Variants in CPAMD8 observed in about 807,000 individuals in gnomAD.
The protein encoded by CPAMD8 is C3 and PZP like alpha-2-macroglobulin domain containing 8.
CPAMD8 carries 146 observed loss-of-function variants against 224.7 expected under a neutral mutation model. That is an observed-to-expected ratio of 0.65 (90% CI 0.57 to 0.75). The LOEUF (loss-of-function observed/expected upper bound fraction) is 0.75, where lower values mean the gene tolerates loss of function less well. CPAMD8 is among the 30% of genes least tolerant of loss of function. The probability of loss-of-function intolerance (pLI) is 0.00; values close to 1 mark genes in which losing one functional copy is unlikely to be tolerated. For synonymous variants in CPAMD8, 966 were observed against 1,044.6 expected (o/e 0.92, Z 1.45); for missense variants, 2,301 against 2,537.5 (o/e 0.91, Z 2.00).
chr19:16,931,718 T>C (rs2144983570), intron 23 of CPAMD8, among the ~76,000 whole-genome samples: 1 of 152,268 alleles, frequency 6.6e-6, no homozygotes, highest in East Asian at 1.9e-4. Flanking sequence ...CTGCCAACAC[T>C]GGGACCTGAG....
chr19:16,937,137 C>T (rs965266951), intron 23 of CPAMD8, among the ~76,000 whole-genome samples: 2 of 149,892 alleles, frequency 1.3e-5, no homozygotes, highest in Non-Finnish European at 3.0e-5. Flanking sequence ...CCCTCCCTTC[C>T]TTACTTCATT....
intron 41 of CPAMD8, chr19:16,894,073 A>C (rs2051862990): frequency 5.5e-6 from 1 of 180,928 alleles, no homozygotes; most frequent in African/African-American, 2.3e-5. Context: ...CGGGAACAGA[A>C]TGTCAGGCTG....
intron 7 of CPAMD8, among the ~76,000 whole-genome samples, chr19:17,004,613 C>A (rs2056433080): frequency 6.6e-6 from 1 of 152,098 alleles, no homozygotes; most frequent in Non-Finnish European, 1.5e-5. Flanking sequence ...CAGGAAGGGA[C>A]TGGACCCGCG....
intron 8 of CPAMD8, 153 bp from the exon 9 acceptor site, chr19:17,002,503 TG>T (rs1402387646): frequency 5.6e-6 from 3 of 534,246 alleles, no homozygotes; most frequent in Non-Finnish European, 1.0e-5. Context: ...TGAGCAGCCC[TG>T]GGGATTTTGT....
intron 19 of CPAMD8, among the ~76,000 whole-genome samples, chr19:16,956,517 A>G (rs2054477003): frequency 1.3e-5 from 2 of 152,026 alleles, no homozygotes; most frequent in Non-Finnish European, 2.9e-5. Flanking sequence ...TACCTTATTC[A>G]AGGGACCATC....
At chr19:16,990,262 A>AG (rs577940663) in intron 12 of CPAMD8, among the ~76,000 whole-genome samples, 75 of 151,996 alleles carry the variant, frequency 4.9e-4, no homozygotes, top group Non-Finnish European at 7.8e-4. Flanking sequence ...CAAAAAAAAA[A>AG]GAAGCAAGCA....
At position 16,975,250 on chromosome 19, in the gene CPAMD8, C is replaced by T. The variant is rs751077667; in HGVS notation, c.1917G>A (p.Gln639=). The T allele has an allele frequency of 4.7e-5, 75 of 1,602,330 alleles. No individual in the cohort carries two copies. The highest frequency in any genetic ancestry group is 6.2e-5 in the Non-Finnish European group (73 of 1,173,958). ...GFRLTPAQVF[Q]ELEDYDVSDS... is the part of the protein sequence containing the mutation. ...CAGAAACATCATAATCTTCCAGTTC[C>T]TGGAAAACCTGCAGGCAAAGGGGGA... is the stretch of plus-strand genomic sequence containing the variant. The change falls in exon 17 of 42, where the codon CAG becomes CAA. Residue 639 remains glutamine (Q), a synonymous_variant. Transcript: ENST00000443236.
intron 17 of CPAMD8, among the ~76,000 whole-genome samples, chr19:16,974,321 A>G (rs538033355): frequency 8.8e-4 from 134 of 151,826 alleles, no homozygotes; most frequent in Non-Finnish European, 1.5e-3. Context: ...AGCTGGGCAC[A>G]GTGGCTCATG....
chr19:16,906,352 TTC>T (rs1371313648), intron 30 of CPAMD8, among the ~76,000 whole-genome samples: 3 of 36,236 alleles, frequency 8.3e-5, no homozygotes, highest in African/African-American at 3.1e-4. Flanking sequence ...CTTTCTTTCT[TTC>T]TTTCTTTCTT....
chr19:16,912,108 T>C (rs1283940991), intron 29 of CPAMD8, among the ~76,000 whole-genome samples: 1 of 152,188 alleles, frequency 6.6e-6, no homozygotes, highest in Non-Finnish European at 1.5e-5. Context: ...TGGTGAGTTG[T>C]ATAATTATTT....
intron 14 of CPAMD8, among the ~76,000 whole-genome samples, chr19:16,979,628 A>T (rs1025474199): frequency 2.0e-5 from 3 of 152,066 alleles, no homozygotes; most frequent in African/African-American, 7.2e-5. Flanking sequence ...CCATCCATTC[A>T]TCCATCTTTC....
chr19:16,972,972 T>C (rs906972908), intron 17 of CPAMD8, among the ~76,000 whole-genome samples: 1 of 152,144 alleles, frequency 6.6e-6, no homozygotes, highest in Admixed American at 6.6e-5. Context: ...AGTTCAAGAC[T>C]AGCCTGGGTG....
At chr19:16,991,015 G>A (rs2055930214) in intron 12 of CPAMD8, among the ~76,000 whole-genome samples, 1 of 152,032 alleles carries the variant, frequency 6.6e-6, no homozygotes, top group Non-Finnish European at 1.5e-5. Flanking sequence ...CAGGTTATCA[G>A]CCCATCTCCA....
chr19:16,895,382 C>T (rs2051921711), intron 41 of CPAMD8: 1 of 156,822 alleles, frequency 6.4e-6, no homozygotes. Flanking sequence ...AAAGAATAAA[C>T]TATGGATACA....
chr19:16,910,148 G>C (rs565078086), intron 29 of CPAMD8, among the ~76,000 whole-genome samples: 1 of 151,878 alleles, frequency 6.6e-6, no homozygotes, highest in Admixed American at 6.6e-5. Context: ...CACTGTGCTT[G>C]GCGTCCAATG....
Position 17,026,572 on chromosome 19 carries a change from C to T in CPAMD8, c.71G>A (p.Arg24His). ...TCACGGGGCCTGAGGCTGCGCGGCG[C>T]GCACGCCGTCCCGCGCCGACAGCAG... is the stretch of plus-strand genomic sequence containing the variant. ...LLLLSARDGV[R>H]AAQPQAPGYL... Residue 24 changes from arginine (R) to histidine (H), a missense_variant, in exon 1 of 42, where the codon CGC becomes CAC. Arg to His is a conservative substitution (Grantham distance 29). Around this residue, in one of 4 missense-constraint regions of CPAMD8, gnomAD observed 283 missense variants for 340.6 expected, o/e 0.83. Coordinates refer to ENST00000443236, the MANE Select transcript of CPAMD8 (RefSeq NM_015692.5). 1 of 1,527,374 alleles carries T rather than the reference C, an allele frequency of 6.5e-7. No homozygotes were observed. Among genetic ancestry groups the T allele is most frequent in the Middle Eastern group, 1.7e-4 (1 of 5,890 alleles). 94.6% of individuals were successfully genotyped at this position (1,527,374 alleles called of 1,614,324 possible).
At chr19:16,990,552 G>A (rs375875512) in intron 12 of CPAMD8, among the ~76,000 whole-genome samples, 17 of 152,064 alleles carry the variant, frequency 1.1e-4, no homozygotes, top group African/African-American at 1.9e-4. Flanking sequence ...GAGCTAGACC[G>A]TATCTCTGAA....
chr19:17,020,813 C>T (rs2056933995), intron 2 of CPAMD8, among the ~76,000 whole-genome samples: 1 of 152,194 alleles, frequency 6.6e-6, no homozygotes, highest in African/African-American at 2.4e-5. Flanking sequence ...GGTTTCTGGC[C>T]TCCAGGACTC....
chr19:16,960,885 T>G (rs1437032308), intron 18 of CPAMD8, among the ~76,000 whole-genome samples: 1 of 150,204 alleles, frequency 6.7e-6, no homozygotes, highest in African/African-American at 2.5e-5. Flanking sequence ...AGAGTGAGAC[T>G]CCTCCTCAAA....
Sources: gnomAD v4.1 joint callset for allele counts (sites outside exome capture counted in the v4.1 genomes callset) on GRCh38, gnomAD v4.1.1 for gene constraint, gnomAD v4.1.1 regional missense constraint, MANE v1.5 for transcripts, NCBI Gene and HGNC (gene_info 2026-07-23, HGNC 2026-07-21) for gene names.